The following SORCS1 variants were observed in gnomAD, a reference collection of about 807,000 sequenced individuals.
SORCS1 encodes VPS10 domain-containing receptor SorCS1.
SORCS1 carries 60 observed loss-of-function variants against 146.1 expected under a neutral mutation model. The ratio of observed to expected loss-of-function variants is 0.41; its 90% confidence interval spans 0.33 to 0.51. The LOEUF is 0.51. Ranked by LOEUF, SORCS1 falls within the 20% of genes least tolerant of loss-of-function variation. The pLI, the probability that SORCS1 is intolerant of heterozygous loss-of-function variation, is 0.21. For missense variants in SORCS1, 1,352 were observed against 1,487.6 expected, an observed-to-expected ratio of 0.91 and a Z score of 1.50; for synonymous variants, 637 against 584.0, an observed-to-expected ratio of 1.09 and a Z score of -1.31.
intron 2 of SORCS1, among the ~76,000 whole-genome samples, chr10:106,920,051 C>T (rs530317143): frequency 2.0e-5 from 3 of 152,256 alleles, no homozygotes; most frequent in Admixed American, 6.5e-5. Context: ...TGGTAAATGC[C>T]TCCTCCTTCC....
chr10:106,585,624 G>A (rs1259407980), intron 24 of SORCS1, among the ~76,000 whole-genome samples: 1 of 152,136 alleles, frequency 6.6e-6, no homozygotes, highest in Non-Finnish European at 1.5e-5. Context: ...TGTGCAATGA[G>A]TTTGAAGCTT....
chr10:106,973,388 C>T (rs767748155), intron 1 of SORCS1, among the ~76,000 whole-genome samples: 2 of 152,184 alleles, frequency 1.3e-5, no homozygotes, highest in Non-Finnish European at 2.9e-5. Context: ...AATTTAGAAA[C>T]CCAACACCCT....
At chr10:107,115,693 G>T (rs771507977) in intron 1 of SORCS1, among the ~76,000 whole-genome samples, 18 of 152,034 alleles carry the variant, frequency 1.2e-4, no homozygotes, top group Admixed American at 5.2e-4. Flanking sequence ...CTTTGGCAAT[G>T]ATTTTTTGGA....
At chr10:106,929,038 T>C (rs1953248933) in intron 2 of SORCS1, among the ~76,000 whole-genome samples, 1 of 152,038 alleles carries the variant, frequency 6.6e-6, no homozygotes, top group South Asian at 2.1e-4. Context: ...TGAGACATAT[T>C]AAATCATCCA....
intron 25 of SORCS1, 183 bp from the exon 26 acceptor site, chr10:106,577,738 T>C (rs1844655106): frequency 7.9e-7 from 1 of 1,258,758 alleles, no homozygotes; most frequent in Non-Finnish European, 1.0e-6. Context: ...TCCCCAAAAA[T>C]GCACTTAGAA....
rs189085351 is a variant in SORCS1 at position 107,004,108 on chromosome 10, G to A, written c.559-47528C>T. Among the ~76,000 whole-genome samples the A allele has an allele frequency of 7.4e-3, 1,108 of 150,104 alleles. 20 individuals carry two copies. The highest frequency in any genetic ancestry group is 0.026 in the African/African-American group (1,047 of 40,614). ...GGAGAATGGCGTGAACCCGGGAGGC[G>A]GAGCTGGCACTGAGCCGAGATTGCG... On this transcript the variant is annotated intron_variant, in intron 1 of 25. Coordinates refer to ENST00000263054, the MANE Select transcript of SORCS1 (RefSeq NM_052918.5).
At chr10:106,779,581 C>T (rs530144768) in intron 3 of SORCS1, among the ~76,000 whole-genome samples, 32 of 129,352 alleles carry the variant, frequency 2.5e-4, no homozygotes, top group African/African-American at 8.5e-4. Flanking sequence ...ACAAGAGTAT[C>T]GCTCTGTTGC....
intron 17 of SORCS1, among the ~76,000 whole-genome samples, chr10:106,665,370 CT>C (rs1028937353): frequency 5.2e-4 from 77 of 149,166 alleles, no homozygotes; most frequent in Non-Finnish European, 8.5e-4. Context: ...TCTTCCTTCC[CT>C]TTTTTTTTCT....
chr10:106,786,652 G>A (rs1946066588), intron 3 of SORCS1, among the ~76,000 whole-genome samples: 1 of 151,900 alleles, frequency 6.6e-6, no homozygotes, highest in South Asian at 2.1e-4. Flanking sequence ...CCTCTCAAGG[G>A]AAGAAAAGCA....
intron 2 of SORCS1, among the ~76,000 whole-genome samples, chr10:106,918,955 G>A (rs11193098): frequency 3.3e-5 from 5 of 152,062 alleles, no homozygotes; most frequent in East Asian, 1.9e-4. Flanking sequence ...TCCTGCCTCA[G>A]CCTCCCATGT....
chr10:106,589,899 T>C (rs1204656287), intron 24 of SORCS1, among the ~76,000 whole-genome samples: 1 of 152,154 alleles, frequency 6.6e-6, no homozygotes. Context: ...TTTTTTTCAT[T>C]TTCCAAATTC....
chr10:107,000,489 C>T (rs1330988183), intron 1 of SORCS1, among the ~76,000 whole-genome samples: 1 of 151,842 alleles, frequency 6.6e-6, no homozygotes, highest in African/African-American at 2.4e-5. Flanking sequence ...CGCCTGTAGT[C>T]CCAGCTACTC....
chr10:106,585,873 A>G (rs1589666751), intron 24 of SORCS1, among the ~76,000 whole-genome samples: 1 of 152,318 alleles, frequency 6.6e-6, no homozygotes, highest in South Asian at 2.1e-4. Flanking sequence ...ATTCCAACCA[A>G]AGCATGCTAG....
At chr10:106,665,916 G>T (rs1013080858) in intron 17 of SORCS1, among the ~76,000 whole-genome samples, 3 of 152,090 alleles carry the variant, frequency 2.0e-5, no homozygotes, top group Non-Finnish European at 4.4e-5. Flanking sequence ...TCAGCTCACT[G>T]TAAGCTCTGC....
chr10:106,675,279 G>T (rs555681694), intron 13 of SORCS1, 123 bp from the exon 14 acceptor site: 1 of 689,530 alleles, frequency 1.5e-6, no homozygotes, highest in African/African-American at 1.8e-5. Flanking sequence ...TTGTCAAAAT[G>T]AGCCTTTCAT....
chr10:106,991,713 C>T (rs1170193384), intron 1 of SORCS1, among the ~76,000 whole-genome samples: 1 of 151,380 alleles, frequency 6.6e-6, no homozygotes, highest in Non-Finnish European at 1.5e-5. Context: ...CGGTACATTA[C>T]AAAAATCACT....
At chr10:106,669,374 T>C (rs770675792) in intron 16 of SORCS1, among the ~76,000 whole-genome samples, 26 of 152,112 alleles carry the variant, frequency 1.7e-4, no homozygotes, top group Non-Finnish European at 3.4e-4. Flanking sequence ...TTTTTTTTTT[T>C]CTCTTTGGTT....
intron 1 of SORCS1, among the ~76,000 whole-genome samples, chr10:107,134,202 A>C (rs1590210961): frequency 6.6e-6 from 1 of 152,214 alleles, no homozygotes; most frequent in African/African-American, 2.4e-5. Context: ...GAAAAAAGGA[A>C]TTATGTGGCC....
In SORCS1 at chr10:106,618,280, A is replaced by G; in HGVS notation, c.2797-8T>C. 6.2e-7 allele frequency: 1 copy of G among 1,613,526 alleles called. No homozygotes were observed. The highest frequency in any genetic ancestry group is 8.5e-7 in the Non-Finnish European group (1 of 1,179,660). ...CTCCAAGGTGATCAAAGGCTAAAAT[A>G]AACAAGGGCCCAGAGTGAAGGGAAA... On this transcript the variant is annotated splice_polypyrimidine_tract_variant and splice_region_variant and intron_variant, in intron 20 of 25. Coordinates refer to ENST00000263054, the MANE Select transcript of SORCS1 (RefSeq NM_052918.5).
Sources: gnomAD v4.1 joint callset for allele counts (sites outside exome capture counted in the v4.1 genomes callset) on GRCh38, gnomAD v4.1.1 for gene constraint, MANE v1.5 for transcripts, NCBI Gene and HGNC (gene_info 2026-07-23, HGNC 2026-07-21) for gene names.